RAB5IF: variants seen among roughly 807,000 people sequenced by gnomAD.
RAB5IF encodes GEL complex subunit OPTI.
RAB5IF carries 15 observed loss-of-function variants against 20.3 expected under a neutral mutation model. The observed-to-expected ratio is 0.74, with a 90% CI of 0.50 to 1.14. The LOEUF is 1.14. Among genes scored for constraint, RAB5IF ranks in the 50% most tolerant of loss-of-function variants. The probability of loss-of-function intolerance (pLI) is 0.00; values close to 1 mark genes in which losing one functional copy is unlikely to be tolerated. For missense variants in RAB5IF, 148 were observed against 159.5 expected (o/e 0.93, Z 0.39); for synonymous variants, 67 against 63.7 (o/e 1.05, Z -0.25).
chr20:36,608,799 A>G (rs150260898), intron 2 of RAB5IF, among the ~76,000 whole-genome samples: 4,985 of 151,836 alleles, frequency 0.033, 127 homozygotes, highest in Non-Finnish European at 0.059. Flanking sequence ...TCCTGACCTC[A>G]GGTGATCCGC....
intron 1 of RAB5IF, among the ~76,000 whole-genome samples, chr20:36,606,374 C>T (rs1432249349): frequency 1.3e-5 from 2 of 152,212 alleles, no homozygotes; most frequent in Admixed American, 6.5e-5. Flanking sequence ...TTCGATTCGG[C>T]CTCCGCCTTT....
intron 3 of RAB5IF, 89 bp downstream of exon 3, chr20:36,609,819 G>C: frequency 6.2e-7 from 1 of 1,611,296 alleles, no homozygotes; most frequent in Non-Finnish European, 8.5e-7. Flanking sequence ...GAGTTACACT[G>C]TGTGAGCAGG....
chr20:36,607,259 C>G (rs78135741), intron 1 of RAB5IF, among the ~76,000 whole-genome samples: 1 of 132,884 alleles, frequency 7.5e-6, no homozygotes, highest in African/African-American at 2.8e-5. Context: ...CTAAATGTAT[C>G]TTTTTTTTTT....
chr20:36,607,901 GC>G (rs1174392205), intron 2 of RAB5IF, 83 bp downstream of exon 2: 4 of 1,581,806 alleles, frequency 2.5e-6, no homozygotes, highest in Non-Finnish European at 3.4e-6. Flanking sequence ...AAAGGCCATT[GC>G]TGCTCTGGAG....
At chr20:36,611,599 T>TA (rs1314846967) in intron 3 of RAB5IF, among the ~76,000 whole-genome samples, 1 of 152,064 alleles carries the variant, frequency 6.6e-6, no homozygotes, top group Non-Finnish European at 1.5e-5. Context: ...TATGTTTTTT[T>TA]AAAAGAACCA....
At chr20:36,607,259 CTTTT>C (rs1157365481) in intron 1 of RAB5IF, among the ~76,000 whole-genome samples, 3,346 of 132,838 alleles carry the variant, frequency 0.025, 129 homozygotes, top group African/African-American at 0.09. Context: ...CTAAATGTAT[CTTTT>C]TTTTTTTTTT....
intron 2 of RAB5IF, among the ~76,000 whole-genome samples, chr20:36,609,385 G>T (rs539455523): frequency 1.3e-5 from 2 of 151,502 alleles, no homozygotes; most frequent in African/African-American, 4.8e-5. Flanking sequence ...GATTACAGGC[G>T]CCCACCACAA....
intron 3 of RAB5IF, 151 bp downstream of exon 3, chr20:36,609,881 C>A: frequency 7.3e-7 from 1 of 1,364,476 alleles, no homozygotes; most frequent in Non-Finnish European, 1.0e-6. Context: ...CTGTGTTGAG[C>A]CACATCCCAG....
intron 1 of RAB5IF, 32 bp downstream of exon 1, chr20:36,606,097 G>A (rs1217680381): frequency 7.0e-6 from 9 of 1,293,720 alleles, no homozygotes; most frequent in East Asian, 3.1e-5. Flanking sequence ...GCGCGGGTGC[G>A]AGGAGTCGGC....
At chr20:36,609,459 T>C in intron 2 of RAB5IF, 142 bp from the exon 3 acceptor site, 1 of 1,228,200 alleles carries the variant, frequency 8.1e-7, no homozygotes, top group Non-Finnish European at 1.1e-6. Context: ...AGGCTGGTCT[T>C]GAACTCCTGA....
At chr20:36,607,537 G>A (rs923299580) in intron 1 of RAB5IF, among the ~76,000 whole-genome samples, 178 bp from the exon 2 acceptor site, 1 of 152,094 alleles carries the variant, frequency 6.6e-6, no homozygotes, top group African/African-American at 2.4e-5. Flanking sequence ...GCCCCTAAAT[G>A]TATCATTTCT....
At chr20:36,609,312 C>T (rs1447198884) in intron 2 of RAB5IF, among the ~76,000 whole-genome samples, 1 of 151,304 alleles carries the variant, frequency 6.6e-6, no homozygotes, top group Non-Finnish European at 1.5e-5. Flanking sequence ...AATTTCGGCT[C>T]ACTGCAACCT....
Position 36,607,770 on chromosome 20 carries a change from G to T in RAB5IF, c.170G>T (p.Gly57Val), listed in dbSNP as rs781178016. 6.2e-7 allele frequency: 1 copy of T among 1,614,066 alleles called. No individual in the cohort carries two copies. The highest frequency in any genetic ancestry group is 8.5e-7 in the Non-Finnish European group (1 of 1,179,960). The stretch of plus-strand genomic sequence containing the variant: ...CGACAGATCATTGCTGTGGTCCTGG[G>T]TGTCATTTGGGGAGTTTTGCCATTA... ...WFRQIIAVVL[G>V]VIWGVLPLRG... The change falls in exon 2 of 4, where the codon GGT (glycine) becomes GTT (valine). Residue 57 changes from glycine (G) to valine (V), a missense_variant. Physicochemically the swap from Gly to Val is moderately radical, Grantham distance 109 (BLOSUM62 -3). Coordinates refer to ENST00000344795, the MANE Select transcript of RAB5IF (RefSeq NM_018840.5).
At position 36,606,027 on chromosome 20, in the gene RAB5IF, A is replaced by T. The variant is rs1304356825; in HGVS notation, c.76A>T (p.Ser26Cys). ...ANGALKVSVW[S>C]KVLRSDAAWE... is the part of the protein sequence containing the mutation. ...CGGGGCCCTCAAAGTCTCCGTCTGG[A>T]GTAAGGTGCTGCGGAGCGACGCGGC... Residue 26 changes from serine (S) to cysteine (C), a missense_variant, in exon 1 of 4, where the codon AGT (serine) becomes TGT (cysteine). Transcript: ENST00000344795. 6.5e-7 allele frequency: 1 copy of T among 1,527,388 alleles called. No individual in the cohort carries two copies. The highest frequency in any genetic ancestry group is 8.8e-7 in the Non-Finnish European group (1 of 1,133,746). The allele number at this position is 1,527,388 out of a possible 1,614,324, so 94.6% of individuals were successfully genotyped here.
intron 2 of RAB5IF, among the ~76,000 whole-genome samples, chr20:36,609,219 GCACACA>G (rs1555790838): frequency 4.7e-5 from 2 of 42,774 alleles, no homozygotes; most frequent in Non-Finnish European, 8.9e-5. Context: ...ACGCACACAC[GCACACA>G]CACACACACA....
At position 36,607,774 on chromosome 20, in the gene RAB5IF, C is replaced by G. The variant is rs2147956875; in HGVS notation, c.174C>G (p.Val58=). 6.2e-7 allele frequency: 1 copy of G among 1,613,986 alleles called. No individual in the cohort carries two copies. The highest frequency in any genetic ancestry group is 1.7e-5 in the Admixed American group (1 of 60,012). The change falls in exon 2 of 4, where the codon GTC becomes GTG. Residue 58 remains valine (V), a synonymous_variant. Coordinates refer to ENST00000344795, the MANE Select transcript of RAB5IF (RefSeq NM_018840.5). ...AGATCATTGCTGTGGTCCTGGGTGTCATTTGGGGAGTTTTGCCATTACGAG... is the reference window on the plus strand; with the variant it reads ...AGATCATTGCTGTGGTCCTGGGTGTGATTTGGGGAGTTTTGCCATTACGAG... ...FRQIIAVVLG[V]IWGVLPLRGF...
Position 36,609,183 on chromosome 20 carries a change from A to G in RAB5IF, c.219-418A>G, listed in dbSNP as rs1223466137. On this transcript the variant is annotated intron_variant, in intron 2 of 3. Transcript: ENST00000344795. ...CACACACACACACACACACACACAC[A>G]CACACACACACGCACACACGCACAC... Among the ~76,000 whole-genome samples, 38 of 43,880 alleles carry G rather than the reference A, an allele frequency of 8.7e-4. 4 individuals carry two copies. The highest frequency in any genetic ancestry group is 0.017 in the Middle Eastern group (2 of 120). The allele number at this position is 43,880 out of a possible 152,430, so 28.8% of individuals were successfully genotyped here. A position where few individuals can be genotyped will look rare whatever the true frequency, so the allele number is the denominator to read the frequency against.
At chr20:36,610,621 G>C (rs1406269901) in intron 3 of RAB5IF, among the ~76,000 whole-genome samples, 1 of 151,936 alleles carries the variant, frequency 6.6e-6, no homozygotes, top group Non-Finnish European at 1.5e-5. Context: ...TGTGAACCTG[G>C]GAGGCAGAGC....
chr20:36,608,963 G>C (rs1412299442), intron 2 of RAB5IF, among the ~76,000 whole-genome samples: 1 of 151,704 alleles, frequency 6.6e-6, no homozygotes, highest in Non-Finnish European at 1.5e-5. Flanking sequence ...TGGATATCCA[G>C]AAATGGTCTC....
Sources: allele counts gnomAD v4.1 joint callset (sites outside exome capture counted in the v4.1 genomes callset), GRCh38; gene constraint gnomAD v4.1.1; transcripts MANE v1.5; gene names NCBI Gene and HGNC (gene_info 2026-07-23, HGNC 2026-07-21).